CNTNAP5: variants seen among roughly 807,000 people sequenced by gnomAD.
The protein encoded by CNTNAP5 is contactin-associated protein-like 5.
Under a neutral mutation model 150.2 loss-of-function variants are expected in CNTNAP5, and 72 were observed. The ratio of observed to expected loss-of-function variants is 0.48; its 90% confidence interval spans 0.40 to 0.58. The LOEUF (loss-of-function observed/expected upper bound fraction) is 0.58, where lower values mean the gene tolerates loss of function less well. Ranked by LOEUF, CNTNAP5 falls within the 20% of genes least tolerant of loss-of-function variation. The pLI is 0.00. For missense variants in CNTNAP5, 1,636 were observed against 1,626.2 expected, an observed-to-expected ratio of 1.01 and a Z score of -0.10; for synonymous variants, 672 against 619.8, an observed-to-expected ratio of 1.08 and a Z score of -1.25.
chr2:124,416,916 A>G (rs148269106), intron 3 of CNTNAP5, among the ~76,000 whole-genome samples: 18 of 151,088 alleles, frequency 1.2e-4, no homozygotes, highest in Middle Eastern at 3.4e-3. Flanking sequence ...CTTTATTCAT[A>G]AAATGTTTAA....
At chr2:124,404,867 G>A (rs771415265) in intron 3 of CNTNAP5, among the ~76,000 whole-genome samples, 1 of 152,134 alleles carries the variant, frequency 6.6e-6, no homozygotes, top group Admixed American at 6.6e-5. Context: ...TCCAGGGAAG[G>A]AAAGACAAAC....
intron 21 of CNTNAP5, among the ~76,000 whole-genome samples, chr2:124,898,771 C>T (rs910700255): frequency 1.3e-5 from 2 of 151,370 alleles, no homozygotes; most frequent in East Asian, 1.9e-4. Flanking sequence ...TGTTGAGGGG[C>T]ACTGAAGCCA....
At chr2:124,312,852 G>T (rs1688867282) in intron 3 of CNTNAP5, among the ~76,000 whole-genome samples, 1 of 152,334 alleles carries the variant, frequency 6.6e-6, no homozygotes, top group East Asian at 1.9e-4. Context: ...TTACAGGCGT[G>T]AGCCACCAGG....
At chr2:124,096,569 T>A (rs2104691645) in intron 1 of CNTNAP5, among the ~76,000 whole-genome samples, 1 of 152,272 alleles carries the variant, frequency 6.6e-6, no homozygotes, top group East Asian at 1.9e-4. Context: ...AAGTAGCCTG[T>A]ATGCTCTTCA....
At chr2:124,072,785 A>C (rs1682337704) in intron 1 of CNTNAP5, among the ~76,000 whole-genome samples, 1 of 152,086 alleles carries the variant, frequency 6.6e-6, no homozygotes, top group South Asian at 2.1e-4. Context: ...CACATTACCC[A>C]AAACAATCTA....
intron 19 of CNTNAP5, among the ~76,000 whole-genome samples, chr2:124,858,599 A>G (rs1262883007): frequency 6.6e-6 from 1 of 152,240 alleles, no homozygotes; most frequent in Non-Finnish European, 1.5e-5. Context: ...GGAAGAATCA[A>G]TATCGTGAAA....
chr2:124,763,870 CT>C, intron 15 of CNTNAP5, 71 bp downstream of exon 15: 2 of 1,604,252 alleles, frequency 1.2e-6, no homozygotes, highest in Admixed American at 1.7e-5. Flanking sequence ...TCCCTTATCC[CT>C]TTTCCCTGCA....
At chr2:124,139,727 G>A (rs770383973) in intron 1 of CNTNAP5, among the ~76,000 whole-genome samples, 4 of 152,116 alleles carry the variant, frequency 2.6e-5, no homozygotes, top group African/African-American at 7.2e-5. Flanking sequence ...TTCTGTGCCC[G>A]ATCATTGTTA....
chr2:124,324,278 A>G (rs1290399183), intron 3 of CNTNAP5, among the ~76,000 whole-genome samples: 2 of 152,166 alleles, frequency 1.3e-5, no homozygotes, highest in African/African-American at 2.4e-5. Context: ...GCAGCCTGGG[A>G]GTCCAGGACA....
intron 10 of CNTNAP5, among the ~76,000 whole-genome samples, chr2:124,551,905 A>T (rs72968799): frequency 0.078 from 11,894 of 152,140 alleles, 517 homozygotes; most frequent in African/African-American, 0.11. Flanking sequence ...CTTTTAAGCG[A>T]TGATTTTCTC....
intron 6 of CNTNAP5, among the ~76,000 whole-genome samples, chr2:124,460,716 A>G (rs1479342258): frequency 6.6e-6 from 1 of 152,222 alleles, no homozygotes; most frequent in Non-Finnish European, 1.5e-5. Context: ...TAGGTTCTCC[A>G]TGCTCAGAGG....
intron 13 of CNTNAP5, among the ~76,000 whole-genome samples, chr2:124,718,990 G>T (rs1185227972): frequency 6.6e-6 from 1 of 151,532 alleles, no homozygotes; most frequent in African/African-American, 2.4e-5. Flanking sequence ...CTAAGTGAAT[G>T]CCATAGACTC....
chr2:124,265,617 C>T (rs893171816), intron 3 of CNTNAP5, among the ~76,000 whole-genome samples: 9 of 152,042 alleles, frequency 5.9e-5, no homozygotes, highest in African/African-American at 1.4e-4. Context: ...CAGCAAGTTA[C>T]GGAAGAGAGA....
chr2:124,588,035 G>A (rs184208193), intron 11 of CNTNAP5, among the ~76,000 whole-genome samples: 69 of 152,070 alleles, frequency 4.5e-4, no homozygotes, highest in Admixed American at 1.2e-3. Flanking sequence ...GGCCTGTCAC[G>A]ATTTAATAAG....
intron 3 of CNTNAP5, among the ~76,000 whole-genome samples, chr2:124,373,243 C>A (rs545009133): frequency 6.6e-6 from 1 of 152,226 alleles, no homozygotes; most frequent in African/African-American, 2.4e-5. Flanking sequence ...ACTATTATTT[C>A]TAATCTAAAA....
At chr2:124,257,756 G>C (rs1006566147) in intron 3 of CNTNAP5, among the ~76,000 whole-genome samples, 4 of 150,932 alleles carry the variant, frequency 2.7e-5, no homozygotes, top group African/African-American at 9.8e-5. Context: ...TGCTCCATGC[G>C]AGTTAGTCTT....
intron 1 of CNTNAP5, 57 bp downstream of exon 1, chr2:124,025,789 A>G (rs765647576): frequency 5.9e-6 from 8 of 1,367,350 alleles, no homozygotes; most frequent in Non-Finnish European, 8.4e-6. Context: ...GCATTCAGAA[A>G]GACAATCAAC....
chr2:124,482,971 T>C (rs537320486), intron 7 of CNTNAP5, among the ~76,000 whole-genome samples: 3 of 152,212 alleles, frequency 2.0e-5, no homozygotes, highest in Admixed American at 6.5e-5. Context: ...TTGTCACTGG[T>C]GTGGCCTCTT....
At chr2:124,764,191 C>G (rs1681020110) in intron 16 of CNTNAP5, 44 bp downstream of exon 16, 1 of 1,531,040 alleles carries the variant, frequency 6.5e-7, no homozygotes, top group Non-Finnish European at 9.0e-7. Context: ...GATCAACAAA[C>G]AAGTTTTAGT....
Sources: allele counts gnomAD v4.1 joint callset (sites outside exome capture counted in the v4.1 genomes callset), GRCh38; gene constraint gnomAD v4.1.1; transcripts MANE v1.5; gene names NCBI Gene and HGNC (gene_info 2026-07-23, HGNC 2026-07-21).